SNX18: variants seen among roughly 807,000 people sequenced by gnomAD.
SNX18 encodes the protein sorting nexin 18, also known as sorting nexin-18.
In SNX18, 35 loss-of-function variants were observed where a neutral mutation model predicts 48.7. That is an observed-to-expected ratio of 0.72 (90% CI 0.55 to 0.95). The LOEUF is 0.95. SNX18 is among the 40% of genes least tolerant of loss of function. The pLI, the probability that SNX18 is intolerant of heterozygous loss-of-function variation, is 0.00. For missense variants in SNX18, 824 were observed against 871.0 expected, an observed-to-expected ratio of 0.95 and a Z score of 0.68; for synonymous variants, 492 against 384.7, an observed-to-expected ratio of 1.28 and a Z score of -3.26.
intron 1 of SNX18, among the ~76,000 whole-genome samples, chr5:54,533,297 C>T (rs937277911): frequency 3.9e-5 from 6 of 152,170 alleles, no homozygotes; most frequent in Admixed American, 3.3e-4. Context: ...CTTTCCCTGA[C>T]TTGAGTTCAG....
the SNX18 span, among the ~76,000 whole-genome samples, chr5:54,553,498 A>G: frequency 6.6e-6 from 1 of 152,218 alleles, no homozygotes; most frequent in African/African-American, 2.4e-5. Flanking sequence ...GCTTTTGATC[A>G]ATAATTTCCA....
chr5:54,554,461 C>T, the SNX18 span, among the ~76,000 whole-genome samples: 219 of 152,308 alleles, frequency 1.4e-3, no homozygotes, highest in Non-Finnish European at 1.9e-3. Flanking sequence ...TCAGGCTTCT[C>T]GTTCACCAAC....
chr5:54,592,324 A>G, the SNX18 span, among the ~76,000 whole-genome samples: 1 of 152,120 alleles, frequency 6.6e-6, no homozygotes, highest in African/African-American at 2.4e-5. Flanking sequence ...CTCTTCTCAG[A>G]TGGGTGTTAC....
chr5:54,518,464 T>A lies in SNX18; in HGVS notation c.512T>A (p.Leu171Gln). 1.3e-6 allele frequency: 2 copies of A among 1,571,292 alleles called. No homozygotes were observed. Among genetic ancestry groups the A allele is most frequent in the Non-Finnish European group, 1.7e-6 (2 of 1,159,088 alleles). Residue 171 changes from leucine (L) to glutamine (Q), a missense_variant, in exon 1 of 2, where the codon CTG (leucine) becomes CAG (glutamine). Leu to Gln is a moderately radical substitution (Grantham distance 113). Coordinates refer to ENST00000381410, the MANE Select transcript of SNX18 (RefSeq NM_001102575.2). Reference protein sequence around the residue: ...SSTVADEPGALGSGAYPDLDG... With the variant: ...SSTVADEPGAQGSGAYPDLDG... ...ACGGTGGCGGACGAGCCGGGCGCTC[T>A]GGGCAGCGGAGCATACCCGGACCTC...
chr5:54,640,131 G>A, the SNX18 span, among the ~76,000 whole-genome samples: 2 of 152,090 alleles, frequency 1.3e-5, no homozygotes, highest in Non-Finnish European at 2.9e-5. Flanking sequence ...GGTCAGAGAA[G>A]CCTAACCTCA....
At chr5:54,556,517 C>T in the SNX18 span, among the ~76,000 whole-genome samples, 20 of 152,326 alleles carry the variant, frequency 1.3e-4, no homozygotes, top group Non-Finnish European at 2.1e-4. Context: ...ATTGGGTCCA[C>T]CTGGTATAAT....
At chr5:54,568,833 C>CTT in the SNX18 span, among the ~76,000 whole-genome samples, 16 of 69,538 alleles carry the variant, frequency 2.3e-4, 1 homozygote, top group South Asian at 1.0e-3. Flanking sequence ...TTCAGTGGTA[C>CTT]TTTTTTTTTT....
At chr5:54,626,861 A>C in the SNX18 span, among the ~76,000 whole-genome samples, 1 of 152,222 alleles carries the variant, frequency 6.6e-6, no homozygotes, top group Non-Finnish European at 1.5e-5. Flanking sequence ...TTTATGGTTA[A>C]CTAGTAATAT....
At chr5:54,536,228 A>G (rs1403494562) in intron 1 of SNX18, among the ~76,000 whole-genome samples, 1 of 151,882 alleles carries the variant, frequency 6.6e-6, no homozygotes, top group Admixed American at 6.6e-5. Context: ...CTGTACTTCA[A>G]ATTCATTTTT....
At chr5:54,606,345 A>C in the SNX18 span, among the ~76,000 whole-genome samples, 1 of 152,230 alleles carries the variant, frequency 6.6e-6, no homozygotes, top group African/African-American at 2.4e-5. Context: ...AAAAATAATC[A>C]GTTTTCAAGT....
At chr5:54,567,911 T>A in the SNX18 span, among the ~76,000 whole-genome samples, 1 of 152,232 alleles carries the variant, frequency 6.6e-6, no homozygotes, top group Non-Finnish European at 1.5e-5. Context: ...TGGAATGTTC[T>A]GTAGGACTGA....
the SNX18 span, among the ~76,000 whole-genome samples, chr5:54,647,745 A>C: frequency 6.6e-6 from 1 of 152,188 alleles, no homozygotes; most frequent in African/African-American, 2.4e-5. Context: ...AAAACAGGGG[A>C]AGGCTAAGTA....
the SNX18 span, among the ~76,000 whole-genome samples, chr5:54,623,906 G>C: frequency 6.6e-6 from 1 of 152,180 alleles, no homozygotes; most frequent in African/African-American, 2.4e-5. Flanking sequence ...TCAGCATGTA[G>C]AACTTTCTCC....
the SNX18 span, among the ~76,000 whole-genome samples, chr5:54,636,441 A>T: frequency 1.3e-5 from 2 of 152,156 alleles, no homozygotes; most frequent in African/African-American, 4.8e-5. Context: ...TGAAAAAAAA[A>T]ATTGAGTTGT....
At chr5:54,598,064 G>A in the SNX18 span, among the ~76,000 whole-genome samples, 6 of 152,068 alleles carry the variant, frequency 3.9e-5, no homozygotes, top group South Asian at 2.1e-4. Context: ...GTATCAGCAC[G>A]GATCCCACAG....
the SNX18 span, among the ~76,000 whole-genome samples, chr5:54,632,115 T>C: frequency 2.0e-5 from 3 of 152,314 alleles, no homozygotes; most frequent in South Asian, 4.1e-4. Flanking sequence ...CTTGGGAAGA[T>C]GCTGGTTCCT....
the SNX18 span, among the ~76,000 whole-genome samples, chr5:54,609,431 G>A: frequency 2.6e-5 from 4 of 151,966 alleles, no homozygotes; most frequent in African/African-American, 4.8e-5. Flanking sequence ...CCTTGGGGAC[G>A]TCATCCGCAA....
chr5:54,596,614 C>CTAAA, the SNX18 span, among the ~76,000 whole-genome samples: 1 of 152,190 alleles, frequency 6.6e-6, no homozygotes, highest in Non-Finnish European at 1.5e-5. Flanking sequence ...GCATGTTCCA[C>CTAAA]TTTAGGGGTT....
At chr5:54,542,390 C>T (rs1762487887) in intron 1 of SNX18, among the ~76,000 whole-genome samples, 1 of 152,202 alleles carries the variant, frequency 6.6e-6, no homozygotes, top group African/African-American at 2.4e-5. Context: ...AGTTAACACT[C>T]ACCGATCCTT....
Sources: allele counts gnomAD v4.1 joint callset (sites outside exome capture counted in the v4.1 genomes callset), GRCh38; gene constraint gnomAD v4.1.1; transcripts MANE v1.5; gene names NCBI Gene and HGNC (gene_info 2026-07-23, HGNC 2026-07-21).